The following SMARCA2 variants were observed in gnomAD, a reference collection of about 807,000 sequenced individuals.
The protein encoded by SMARCA2 is SWI/SNF-related matrix-associated actin-dependent regulator of chromatin subfamily A member 2.
SMARCA2 carries 61 observed loss-of-function variants against 199.8 expected under a neutral mutation model. That is an observed-to-expected ratio of 0.31 (90% CI 0.25 to 0.38). The LOEUF (loss-of-function observed/expected upper bound fraction) is 0.38, where lower values mean the gene tolerates loss of function less well. Among genes scored for constraint, SMARCA2 ranks in the 10% least tolerant of loss-of-function variants. The pLI is 1.00. For missense variants in SMARCA2, 1,344 were observed against 2,012.2 expected (o/e 0.67, Z 6.35); for synonymous variants, 935 against 732.0 (o/e 1.28, Z -4.48).
intron 4 of SMARCA2, chr9:2,041,646 C>G (rs1206151831): frequency 2.7e-6 from 1 of 366,424 alleles, no homozygotes; most frequent in Non-Finnish European, 4.8e-6. Flanking sequence ...AAGAAAGTAT[C>G]ATTTCATCTC....
chr9:2,171,150 G>A (rs1183155626), intron 29 of SMARCA2, among the ~76,000 whole-genome samples: 1 of 152,162 alleles, frequency 6.6e-6, no homozygotes, highest in East Asian at 1.9e-4. Context: ...CATTGGTTGA[G>A]CTGGAGAGAT....
chr9:2,028,793 T>G (rs958573917), intron 1 of SMARCA2, among the ~76,000 whole-genome samples, 194 bp from the exon 2 acceptor site: 3 of 152,230 alleles, frequency 2.0e-5, no homozygotes, highest in African/African-American at 7.2e-5. Context: ...GTGTGTTTTT[T>G]TTAAACAAGT....
At chr9:2,112,786 A>C (rs185590358) in intron 24 of SMARCA2, among the ~76,000 whole-genome samples, 1 of 152,346 alleles carries the variant, frequency 6.6e-6, no homozygotes, top group African/African-American at 2.4e-5. Context: ...CTTTTTCAGG[A>C]ATCAGTGATT....
chr9:2,138,875 T>C (rs1392198183), intron 27 of SMARCA2, among the ~76,000 whole-genome samples: 3 of 152,120 alleles, frequency 2.0e-5, no homozygotes, highest in Non-Finnish European at 4.4e-5. Flanking sequence ...ACTCAGCTCT[T>C]AGGAACTGAA....
intron 9 of SMARCA2, among the ~76,000 whole-genome samples, chr9:2,061,437 T>C (rs545945417): frequency 1.3e-5 from 2 of 152,344 alleles, no homozygotes; most frequent in South Asian, 4.1e-4. Context: ...GTGCCAAAGC[T>C]GTTCATTCAG....
Position 2,115,714 on chromosome 9 carries a change from T to C in SMARCA2, c.3457-108T>C. Reference sequence around the variant, plus strand: ...AAATGTAGGCAAAATCTTACCTTAGTGAAGGTGAAATACAGAACCCTTCCA... The same window carrying C: ...AAATGTAGGCAAAATCTTACCTTAGCGAAGGTGAAATACAGAACCCTTCCA... On this transcript the variant is annotated intron_variant, in intron 24 of 33. Coordinates refer to ENST00000349721, the MANE Select transcript of SMARCA2 (RefSeq NM_003070.5). This position sits in a 1 kb window ranked among gnomAD's most constrained non-coding sequence, Gnocchi z 6.0. 1.2e-6 allele frequency: 1 copy of C among 805,086 alleles called. No homozygotes were observed. The highest frequency in any genetic ancestry group is 2.0e-6 in the Non-Finnish European group (1 of 501,720). The allele number at this position is 805,086 out of a possible 1,614,324, so 49.9% of individuals were successfully genotyped here.
intron 9 of SMARCA2, among the ~76,000 whole-genome samples, chr9:2,063,820 A>T (rs556130494): frequency 6.6e-6 from 1 of 151,892 alleles, no homozygotes; most frequent in South Asian, 2.1e-4. Context: ...GTTGCTCGTG[A>T]ATAATAGGGT....
intron 17 of SMARCA2, 112 bp downstream of exon 17, chr9:2,084,308 T>A (rs1163349499): frequency 1.6e-6 from 1 of 624,672 alleles, no homozygotes; most frequent in African/African-American, 1.8e-5. Flanking sequence ...TCCTTTTCTT[T>A]ATTTTTCTAA....
In SMARCA2 at chr9:2,119,673, A is replaced by G; in HGVS notation, c.3762+138A>G. ...GCCTTTCCTTCAGTTCAGAGGCTGC[A>G]AACTGGCTGGAGTTAGCCTGCAGAC... On this transcript the variant is annotated intron_variant, in intron 26 of 33. Coordinates refer to ENST00000349721, the MANE Select transcript of SMARCA2 (RefSeq NM_003070.5). This position sits in a 1 kb window ranked among gnomAD's most constrained non-coding sequence, Gnocchi z 4.6. The G allele has an allele frequency of 1.6e-6, 1 of 620,638 alleles. No individual in the cohort carries two copies. The highest frequency in any genetic ancestry group is 2.6e-5 in the Admixed American group (1 of 38,742). 38.4% of individuals were successfully genotyped at this position (620,638 alleles called of 1,614,324 possible). A position where few individuals can be genotyped will look rare whatever the true frequency, so the allele number is the denominator to read the frequency against.
intron 3 of SMARCA2, among the ~76,000 whole-genome samples, chr9:2,038,827 A>G (rs144595883): frequency 9.8e-4 from 150 of 152,342 alleles, no homozygotes; most frequent in African/African-American, 3.1e-3. Context: ...AACTCCTTGC[A>G]TAGTACCTAC....
At chr9:2,034,420 T>G (rs931887593) in intron 3 of SMARCA2, among the ~76,000 whole-genome samples, 2 of 152,224 alleles carry the variant, frequency 1.3e-5, no homozygotes, top group Admixed American at 1.3e-4. Flanking sequence ...CTTTCTTTTC[T>G]TCACTGGTGA....
In SMARCA2 at chr9:2,192,701, T is replaced by C. The variant is rs1450329295; in HGVS notation, c.4738-3T>C. ...CATTTTATCTTCTTATTTTTACTTT[T>C]AGGAACAGTCAGAAGGAAGTGGGAC... is the stretch of plus-strand genomic sequence containing the variant. On this transcript the variant is annotated splice_region_variant and splice_polypyrimidine_tract_variant and intron_variant, in intron 33 of 33. Transcript: ENST00000349721. 7.5e-6 allele frequency: 12 copies of C among 1,602,216 alleles called. No individual in the cohort carries two copies. Among genetic ancestry groups the C allele is most frequent in the Non-Finnish European group, 9.4e-6 (11 of 1,169,188 alleles).
In SMARCA2 at chr9:2,119,633, A is replaced by G. The variant is rs1823365110; in HGVS notation, c.3762+98A>G. 1.3e-6 allele frequency: 1 copy of G among 786,582 alleles called. No individual in the cohort carries two copies. The allele number at this position is 786,582 out of a possible 1,614,324, so 48.7% of individuals were successfully genotyped here. ...CAGCCTGCGTGCCTGGCAGAACTTCATACGTAAAGCCTATGCCTTTCCTTC... is the reference window on the plus strand; with the variant it reads ...CAGCCTGCGTGCCTGGCAGAACTTCGTACGTAAAGCCTATGCCTTTCCTTC... On this transcript the variant is annotated intron_variant, in intron 26 of 33. Coordinates refer to ENST00000349721, the MANE Select transcript of SMARCA2 (RefSeq NM_003070.5). This position sits in a 1 kb window ranked among gnomAD's most constrained non-coding sequence, Gnocchi z 4.6.
intron 3 of SMARCA2, among the ~76,000 whole-genome samples, chr9:2,038,765 A>C (rs958215013): frequency 6.6e-6 from 1 of 152,102 alleles, no homozygotes; most frequent in Non-Finnish European, 1.5e-5. Flanking sequence ...TCAATCCTTA[A>C]ATAAGACTCT....
In SMARCA2 at chr9:2,161,350, T is replaced by C. The variant is rs1462463591; in HGVS notation, c.3982-336T>C. On this transcript the variant is annotated intron_variant, in intron 27 of 33. Coordinates refer to ENST00000349721, the MANE Select transcript of SMARCA2 (RefSeq NM_003070.5). This position sits in a 1 kb window ranked among gnomAD's most constrained non-coding sequence, Gnocchi z 4.7. The stretch of plus-strand genomic sequence containing the variant: ...TAATGAGAACATTAGGGTCTTGTTC[T>C]TAAACTGAGCTAAAATTTCATCTGG... Among the ~76,000 whole-genome samples, 1 of 152,198 alleles carries C rather than the reference T, an allele frequency of 6.6e-6. No individual in the cohort carries two copies. Among genetic ancestry groups the C allele is most frequent in the African/African-American group, 2.4e-5 (1 of 41,444 alleles).
chr9:2,160,882 G>GT, intron 27 of SMARCA2: 4 of 334,552 alleles, frequency 1.2e-5, no homozygotes, highest in African/African-American at 4.4e-5. Context: ...AGATTTACCA[G>GT]GAAAAAAAAA....
At chr9:2,093,489 A>G (rs1163355276) in intron 19 of SMARCA2, among the ~76,000 whole-genome samples, 2 of 152,196 alleles carry the variant, frequency 1.3e-5, no homozygotes, top group African/African-American at 2.4e-5. Context: ...CACTGGGAGC[A>G]TCTGATAGTC....
intron 19 of SMARCA2, among the ~76,000 whole-genome samples, chr9:2,089,514 T>G (rs2130496657): frequency 6.6e-6 from 1 of 152,042 alleles, no homozygotes; most frequent in African/African-American, 2.4e-5. Context: ...TAAGTGGGAG[T>G]TTTCAAGATG....
intron 11 of SMARCA2, 89 bp from the exon 12 acceptor site, chr9:2,073,477 A>G (rs1821176896): frequency 2.7e-6 from 4 of 1,461,332 alleles, no homozygotes; most frequent in South Asian, 1.2e-5. Flanking sequence ...TCTTTTATAC[A>G]TAGAATGTGC....
Sources: gnomAD v4.1 joint callset for allele counts (sites outside exome capture counted in the v4.1 genomes callset) on GRCh38, gnomAD v4.1.1 for gene constraint, Gnocchi (gnomAD v3.1) non-coding constraint, MANE v1.5 for transcripts, NCBI Gene and HGNC (gene_info 2026-07-23, HGNC 2026-07-21) for gene names.